EGFR: variants seen among roughly 807,000 people sequenced by gnomAD.
EGFR encodes the protein avian erythroblastic leukemia viral (v-erb-b) oncogene homolog.
In EGFR, 58 loss-of-function variants were observed where a neutral mutation model predicts 143.0. The observed-to-expected ratio is 0.41, with a 90% CI of 0.33 to 0.50. EGFR has a LOEUF of 0.50. Among genes scored for constraint, EGFR ranks in the 20% least tolerant of loss-of-function variants. EGFR has a pLI of 0.39. For synonymous variants in EGFR, 613 were observed against 594.4 expected (o/e 1.03, Z -0.45); for missense variants, 1,307 against 1,579.0 (o/e 0.83, Z 2.92).
At chr7:55,198,920 A>G (rs2128969051) in intron 23 of EGFR, 57 bp downstream of exon 23, 1 of 1,608,710 alleles carries the variant, frequency 6.2e-7, no homozygotes, top group Non-Finnish European at 8.5e-7. Context: ...GGCTGCTCTT[A>G]GCCAAACAGC....
intron 1 of EGFR, among the ~76,000 whole-genome samples, chr7:55,075,893 G>A (rs938646030): frequency 9.9e-5 from 15 of 152,110 alleles, no homozygotes; most frequent in African/African-American, 2.2e-4. Context: ...GCTTTCAAGG[G>A]GTGGGGGTGC....
chr7:55,155,961 G>A lies in EGFR; in HGVS notation c.1006+15G>A, dbSNP rs369345006. 8 of 1,598,008 alleles carry A rather than the reference G, an allele frequency of 5.0e-6. No individual in the cohort carries two copies. The highest frequency in any genetic ancestry group is 2.2e-5 in the East Asian group (1 of 44,566). The stretch of plus-strand genomic sequence containing the variant: ...TTGCCGCAAAGGTAGGAAGCCCGCC[G>A]GTGTGCGGACGAGGCTTGTTCTCGG... On this transcript the variant is annotated intron_variant, in intron 8 of 27. Transcript: ENST00000275493.
At chr7:55,175,502 A>T (rs996082318) in intron 19 of EGFR, among the ~76,000 whole-genome samples, 3 of 152,200 alleles carry the variant, frequency 2.0e-5, no homozygotes, top group African/African-American at 7.2e-5. Flanking sequence ...TGGTGGGAAG[A>T]TGCTGGCTGG....
intron 19 of EGFR, among the ~76,000 whole-genome samples, chr7:55,177,786 G>A (rs1441099303): frequency 4.6e-5 from 7 of 152,240 alleles, no homozygotes; most frequent in African/African-American, 1.4e-4. Flanking sequence ...CGCTCTGCCT[G>A]CCAGCCTGTG....
At chr7:55,137,160 C>A (rs1293565415) in intron 1 of EGFR, among the ~76,000 whole-genome samples, 1 of 151,940 alleles carries the variant, frequency 6.6e-6, no homozygotes, top group African/African-American at 2.4e-5. Context: ...AGAGGGTAGG[C>A]CTTTAAGCGT....
intron 10 of EGFR, chr7:55,157,064 C>T: frequency 2.8e-6 from 3 of 1,086,582 alleles, no homozygotes; most frequent in South Asian, 1.7e-5. Context: ...TTCTCCCTCC[C>T]GCCCGGCCCC....
rs17336919 is a variant in EGFR, at chr7:55,165,033, G to T, written c.1723-247G>T. 0.23 allele frequency among the ~76,000 whole-genome samples: 34,737 copies of T among 152,108 alleles called. 4,269 individuals carry two copies. Among genetic ancestry groups the T allele is most frequent in the South Asian group, 0.39 (1,891 of 4,824 alleles). ...GTTAAGCAGAATGCAATAATGTAGAGAATATCATTTCTTTCATGCTGGTGT... is the reference window on the plus strand; with the variant it reads ...GTTAAGCAGAATGCAATAATGTAGATAATATCATTTCTTTCATGCTGGTGT... On this transcript the variant is annotated intron_variant, in intron 14 of 27. Coordinates refer to ENST00000275493, the MANE Select transcript of EGFR (RefSeq NM_005228.5).
At position 55,205,786 on chromosome 7, in the gene EGFR, A is replaced by G. The variant is rs1788087357; in HGVS notation, c.*169A>G. 1.7e-5 allele frequency: 17 copies of G among 1,017,898 alleles called. No homozygotes were observed. Among genetic ancestry groups the G allele is most frequent in the Admixed American group, 2.2e-5 (1 of 44,844 alleles). 63.1% of individuals were successfully genotyped at this position (1,017,898 alleles called of 1,614,324 possible). ...CAGGAAGTACTTCCACCTCGGGCAC[A>G]TTTTGGGAAGTTGCATTCCTTTGTC... is the stretch of plus-strand genomic sequence containing the variant. On this transcript the variant is annotated 3_prime_UTR_variant, in exon 28 of 28. Coordinates refer to ENST00000275493, the MANE Select transcript of EGFR (RefSeq NM_005228.5).
At chr7:55,108,574 C>T (rs1792275587) in intron 1 of EGFR, among the ~76,000 whole-genome samples, 1 of 152,152 alleles carries the variant, frequency 6.6e-6, no homozygotes, top group Admixed American at 6.6e-5. Flanking sequence ...GAAGGCAAGT[C>T]GCCATGCCTG....
intron 26 of EGFR, among the ~76,000 whole-genome samples, chr7:55,202,051 C>T (rs952309574): frequency 2.6e-5 from 4 of 152,118 alleles, no homozygotes; most frequent in African/African-American, 7.2e-5. Context: ...GGGGGTGGCA[C>T]CCAGTAGTCT....
At chr7:55,157,553 C>T in intron 10 of EGFR, 110 bp from the exon 11 acceptor site, 1 of 900,172 alleles carries the variant, frequency 1.1e-6, no homozygotes, top group South Asian at 1.4e-5. Flanking sequence ...ATCCAATTTT[C>T]CCACTTACTG....
chr7:55,049,229 GTA>G (rs1346809004), intron 1 of EGFR, among the ~76,000 whole-genome samples: 1 of 152,128 alleles, frequency 6.6e-6, no homozygotes, highest in Non-Finnish European at 1.5e-5. Flanking sequence ...ACGACCACTG[GTA>G]TCTGCCCAGA....
intron 17 of EGFR, among the ~76,000 whole-genome samples, 187 bp downstream of exon 17, chr7:55,173,311 G>A (rs911429579): frequency 1.3e-5 from 2 of 152,232 alleles, no homozygotes; most frequent in African/African-American, 4.8e-5. Context: ...CGAGGAAATG[G>A]CAATGTTTCT....
At chr7:55,126,355 T>G (rs867530770) in intron 1 of EGFR, among the ~76,000 whole-genome samples, 5 of 152,242 alleles carry the variant, frequency 3.3e-5, no homozygotes, top group Non-Finnish European at 4.4e-5. Context: ...ACCACTTACA[T>G]GACCTAGATG....
chr7:55,059,553 T>C (rs1789044611), intron 1 of EGFR, among the ~76,000 whole-genome samples: 1 of 152,124 alleles, frequency 6.6e-6, no homozygotes, highest in Non-Finnish European at 1.5e-5. Flanking sequence ...TATAATGACA[T>C]GCATTCACCA....
At chr7:55,201,388 G>A (rs1471503363) in intron 25 of EGFR, 33 bp downstream of exon 25, 2 of 1,613,354 alleles carry the variant, frequency 1.2e-6, no homozygotes, top group African/African-American at 1.3e-5. Context: ...TCTCTCTCAA[G>A]CTGTGTCTAC....
At position 55,087,273 on chromosome 7, in the gene EGFR, T is replaced by TAAAAAAAAA. The variant is rs373915835; in HGVS notation, c.89-55011_89-55003dup. On this transcript the variant is annotated intron_variant, in intron 1 of 27. Coordinates refer to ENST00000275493, the MANE Select transcript of EGFR (RefSeq NM_005228.5). ...TCACTTTAAGTAGTTTCTCAATTGT[T>TAAAAAAAAA]AAAAAAAAAACAAAAAAAAAAAAAC... 1.5e-3 allele frequency among the ~76,000 whole-genome samples: 150 copies of TAAAAAAAAA among 102,072 alleles called. 2 individuals carry two copies. The highest frequency in any genetic ancestry group is 5.6e-3 in the African/African-American group (139 of 24,726). 67.0% of individuals were successfully genotyped at this position (102,072 alleles called of 152,430 possible).
At chr7:55,178,195 A>G (rs1236974226) in intron 19 of EGFR, among the ~76,000 whole-genome samples, 5 of 152,220 alleles carry the variant, frequency 3.3e-5, no homozygotes, top group Admixed American at 3.3e-4. Context: ...TCTCAACCAG[A>G]TCTTGAGAAA....
Position 55,035,040 on chromosome 7 carries a change from G to C in EGFR, c.88+15675G>C, listed in dbSNP as rs79979837. 8.9e-4 allele frequency among the ~76,000 whole-genome samples: 136 copies of C among 152,286 alleles called. 1 individual carries two copies. Among genetic ancestry groups the C allele is most frequent in the African/African-American group, 2.8e-3 (118 of 41,568 alleles). On this transcript the variant is annotated intron_variant, in intron 1 of 27. Coordinates refer to ENST00000275493, the MANE Select transcript of EGFR (RefSeq NM_005228.5). Reference sequence around the variant, plus strand: ...GCATGTGACACACTTGAGAGTGCCTGTTCTGTTTGGAAACCTGGAAACTAT... The same window carrying C: ...GCATGTGACACACTTGAGAGTGCCTCTTCTGTTTGGAAACCTGGAAACTAT...
Sources: allele counts gnomAD v4.1 joint callset (sites outside exome capture counted in the v4.1 genomes callset), GRCh38; gene constraint gnomAD v4.1.1; transcripts MANE v1.5; gene names NCBI Gene and HGNC (gene_info 2026-07-23, HGNC 2026-07-21).